The following EFTUD2 variants were observed in gnomAD, a reference collection of about 807,000 sequenced individuals.
EFTUD2 encodes the protein 116 kDa U5 small nuclear ribonucleoprotein component.
A neutral mutation model predicts 114.3 loss-of-function variants in EFTUD2; 9 were observed. The observed-to-expected ratio is 0.08, with a 90% CI of 0.05 to 0.14. The LOEUF is 0.14. EFTUD2 is among the 10% of genes least tolerant of loss of function. EFTUD2 has a pLI of 1.00. For missense variants in EFTUD2, 765 were observed against 1,241.2 expected (o/e 0.62, Z 5.76); for synonymous variants, 449 against 462.3 (o/e 0.97, Z 0.37).
At chr17:44,877,574 G>C (rs746338113) in intron 9 of EFTUD2, among the ~76,000 whole-genome samples, 4 of 152,208 alleles carry the variant, frequency 2.6e-5, no homozygotes, top group Non-Finnish European at 4.4e-5. Flanking sequence ...GGGAGGCCGA[G>C]GCAGGTGGAC....
intron 13 of EFTUD2, among the ~76,000 whole-genome samples, chr17:44,865,669 T>C (rs1167760350): frequency 6.6e-6 from 1 of 152,186 alleles, no homozygotes; most frequent in Admixed American, 6.5e-5. Flanking sequence ...CACACACATT[T>C]TGTGTATGTG....
chr17:44,889,939 G>A (rs908664910), intron 2 of EFTUD2, among the ~76,000 whole-genome samples: 2 of 152,210 alleles, frequency 1.3e-5, no homozygotes, highest in African/African-American at 4.8e-5. Flanking sequence ...CGAGTCTACA[G>A]TAGCTCAACA....
chr17:44,875,264 T>C (rs576601844), intron 10 of EFTUD2, among the ~76,000 whole-genome samples: 1 of 151,688 alleles, frequency 6.6e-6, no homozygotes, highest in Non-Finnish European at 1.5e-5. Flanking sequence ...GGGGTGGTGG[T>C]TCACGCCTGT....
intron 1 of EFTUD2, among the ~76,000 whole-genome samples, chr17:44,897,746 G>T (rs1168047865): frequency 6.6e-6 from 1 of 152,120 alleles, no homozygotes; most frequent in Admixed American, 6.5e-5. Context: ...TGTATTTTTA[G>T]TAGAGACGGG....
At position 44,850,471 on chromosome 17, in the gene EFTUD2, G is replaced by A; in HGVS notation, c.*803C>T. ...TACATTCCTAATAAAGCAGTTTTGA[G>A]GAAAATCAACAGACTCTTTTTCACT... is the stretch of plus-strand genomic sequence containing the variant. On this transcript the variant is annotated 3_prime_UTR_variant, in exon 28 of 28. Coordinates refer to ENST00000426333, the MANE Select transcript of EFTUD2 (RefSeq NM_004247.4). The A allele has an allele frequency of 8.7e-7, 1 of 1,144,544 alleles. No individual in the cohort carries two copies. Among genetic ancestry groups the A allele is most frequent in the Non-Finnish European group, 1.3e-6 (1 of 769,758 alleles). 70.9% of individuals were successfully genotyped at this position (1,144,544 alleles called of 1,614,324 possible). A position where few individuals can be genotyped will look rare whatever the true frequency, so the allele number is the denominator to read the frequency against.
rs558069278 is a variant in EFTUD2 at position 44,859,076 on chromosome 17, G to C, written c.1962+4C>G. On this transcript the variant is annotated splice_donor_region_variant and intron_variant, in intron 19 of 27. Transcript: ENST00000426333. ...AACCCAGCTCCCGGCAGATACTGCT[G>C]TACCTTGATGTCTATCTCTGAGTAC... 19 of 1,601,586 alleles carry C rather than the reference G, an allele frequency of 1.2e-5. No individual in the cohort carries two copies. In the East Asian group the frequency reaches 4.0e-4, roughly 34 times the overall value.
rs918434503 is a variant in EFTUD2 at position 44,897,276 on chromosome 17, CATT to C, written c.-5+2090_-5+2092del. ...CCTAGGCTCAATAAACGTTAGCTAG[CATT>C]ATTTTTTGCCATCCTTGATCATGAG... On this transcript the variant is annotated intron_variant, in intron 1 of 27. Coordinates refer to ENST00000426333, the MANE Select transcript of EFTUD2 (RefSeq NM_004247.4). 1.9e-3 allele frequency among the ~76,000 whole-genome samples: 283 copies of C among 150,980 alleles called. 1 individual carries two copies. Among genetic ancestry groups the C allele is most frequent in the Non-Finnish European group, 2.2e-3 (148 of 67,802 alleles).
At chr17:44,896,998 C>T (rs1187622177) in intron 1 of EFTUD2, among the ~76,000 whole-genome samples, 4 of 151,870 alleles carry the variant, frequency 2.6e-5, no homozygotes, top group African/African-American at 9.7e-5. Flanking sequence ...GGGTGGATCA[C>T]GAGGTCAGGA....
intron 12 of EFTUD2, 70 bp from the exon 13 acceptor site, chr17:44,867,967 C>T (rs1207553988): frequency 2.1e-6 from 3 of 1,413,370 alleles, no homozygotes; most frequent in Non-Finnish European, 2.9e-6. Flanking sequence ...GAGGCATTGT[C>T]TAAGTGCTGA....
At chr17:44,863,623 G>GACCAGAGA in intron 15 of EFTUD2, 32 bp downstream of exon 15, 1 of 1,601,588 alleles carries the variant, frequency 6.2e-7, no homozygotes, top group Non-Finnish European at 8.5e-7. Context: ...GGGAAAAAAA[G>GACCAGAGA]ACCAGAGAAC....
intron 19 of EFTUD2, among the ~76,000 whole-genome samples, chr17:44,857,920 C>CTTTTTT (rs528299306): frequency 0.11 from 13,750 of 126,764 alleles, 845 homozygotes; most frequent in Non-Finnish European, 0.14. Context: ...TTTCTTTTTC[C>CTTTTTT]TTTTTTTTTT....
chr17:44,869,619 T>C (rs938364882), intron 11 of EFTUD2, among the ~76,000 whole-genome samples: 1 of 152,164 alleles, frequency 6.6e-6, no homozygotes, highest in African/African-American at 2.4e-5. Context: ...CTCTTCTCCT[T>C]GGTTAAACAT....
Position 44,850,508 on chromosome 17 carries a change from G to C in EFTUD2, c.*766C>G. ...GACTCTTTTTCACTGGGGGAGAACA[G>C]AGTAAGGGACTGGTGGTAGCTGGGG... On this transcript the variant is annotated 3_prime_UTR_variant, in exon 28 of 28. Transcript: ENST00000426333. 1 of 766,198 alleles carries C rather than the reference G, an allele frequency of 1.3e-6. No individual in the cohort carries two copies. Among genetic ancestry groups the C allele is most frequent in the South Asian group, 1.7e-5 (1 of 60,358 alleles). 47.5% of individuals were successfully genotyped at this position (766,198 alleles called of 1,614,324 possible). A position where few individuals can be genotyped will look rare whatever the true frequency, so the allele number is the denominator to read the frequency against.
chr17:44,880,755 G>T (rs2051059116), intron 7 of EFTUD2, 111 bp from the exon 8 acceptor site: 1 of 757,730 alleles, frequency 1.3e-6, no homozygotes, highest in Non-Finnish European at 2.2e-6. Flanking sequence ...CCTTATAGTG[G>T]GTGATTTTTA....
intron 9 of EFTUD2, among the ~76,000 whole-genome samples, chr17:44,878,005 G>A (rs1024618193): frequency 2.0e-5 from 3 of 151,742 alleles, no homozygotes; most frequent in South Asian, 2.1e-4. Context: ...GTGTGGTGGC[G>A]TGCACCTGTA....
Position 44,894,452 on chromosome 17 carries a change from C to G in EFTUD2, c.70G>C (p.Asp24His). The G allele has an allele frequency of 1.2e-6, 2 of 1,614,100 alleles. No homozygotes were observed. The highest frequency in any genetic ancestry group is 4.5e-5 in the East Asian group (2 of 44,890). ...TCTTTGGTCTCTCTACCCAATTCAT[C>G]ATCATCTTCATCAGAATCAAGCTCT... The part of the protein sequence containing the change: ...GPELDSDEDD[D>H]ELGRETKDLD... Residue 24 changes from aspartate to histidine, a missense_variant, in exon 2 of 28, where the codon GAT (aspartate) becomes CAT (histidine). By Grantham distance (81) the Asp-to-His change is moderately conservative. Coordinates refer to ENST00000426333, the MANE Select transcript of EFTUD2 (RefSeq NM_004247.4).
chr17:44,876,872 A>C (rs1049420265), intron 9 of EFTUD2, among the ~76,000 whole-genome samples: 1 of 150,298 alleles, frequency 6.7e-6, no homozygotes, highest in Non-Finnish European at 1.5e-5. Context: ...AAAAAAAAAA[A>C]AAAAAAAAAC....
chr17:44,873,893 G>A (rs926611772), intron 10 of EFTUD2, among the ~76,000 whole-genome samples: 6 of 151,298 alleles, frequency 4.0e-5, no homozygotes, highest in Admixed American at 1.3e-4. Flanking sequence ...CACCAAGCCC[G>A]GCTAATTTTT....
At chr17:44,884,532 AGAG>A (rs1486023348) in intron 4 of EFTUD2, among the ~76,000 whole-genome samples, 1 of 131,530 alleles carries the variant, frequency 7.6e-6, no homozygotes, top group Non-Finnish European at 1.7e-5. Context: ...AAAAAAAAAA[AGAG>A]AGAGAGAGAG....
Sources: gnomAD v4.1 joint callset for allele counts (sites outside exome capture counted in the v4.1 genomes callset) on GRCh38, gnomAD v4.1.1 for gene constraint, MANE v1.5 for transcripts, NCBI Gene and HGNC (gene_info 2026-07-23, HGNC 2026-07-21) for gene names.